KCND2: variants seen among roughly 807,000 people sequenced by gnomAD.
The protein encoded by KCND2 is potassium voltage-gated channel subfamily D member 2.
In KCND2, 16 loss-of-function variants were observed where a neutral mutation model predicts 54.4. The ratio of observed to expected loss-of-function variants is 0.29; its 90% CI spans 0.20 to 0.45. KCND2 has a LOEUF of 0.45. Among genes scored for constraint, KCND2 ranks in the 20% least tolerant of loss-of-function variants. The pLI is 1.00. For missense variants in KCND2, 486 were observed against 824.2 expected (o/e 0.59, Z 5.02); for synonymous variants, 317 against 310.7 (o/e 1.02, Z -0.21).
chr7:120,697,516 T>A (rs1379184376), intron 1 of KCND2, among the ~76,000 whole-genome samples: 2 of 152,214 alleles, frequency 1.3e-5, no homozygotes, highest in African/African-American at 2.4e-5. Flanking sequence ...TTACAGAGTA[T>A]AATTTTTTTG....
chr7:120,551,569 T>C (rs868237597), intron 1 of KCND2, among the ~76,000 whole-genome samples: 13 of 152,292 alleles, frequency 8.5e-5, no homozygotes, highest in African/African-American at 2.9e-4. Flanking sequence ...GAGAAAGATA[T>C]ACTATTGCAT....
At chr7:120,489,814 G>A (rs1445834919) in intron 1 of KCND2, among the ~76,000 whole-genome samples, 1 of 152,110 alleles carries the variant, frequency 6.6e-6, no homozygotes, top group South Asian at 2.1e-4. Flanking sequence ...TTGGAAACTT[G>A]AAGAAATTAG....
At chr7:120,626,805 A>T (rs189973379) in intron 1 of KCND2, among the ~76,000 whole-genome samples, 1 of 152,310 alleles carries the variant, frequency 6.6e-6, no homozygotes, top group East Asian at 1.9e-4. Flanking sequence ...TATACCATTC[A>T]TAATGTTCTT....
At chr7:120,738,538 A>C (rs1792901901) in intron 2 of KCND2, among the ~76,000 whole-genome samples, 1 of 152,040 alleles carries the variant, frequency 6.6e-6, no homozygotes, top group Non-Finnish European at 1.5e-5. Context: ...TTTACACTGA[A>C]AATGTAAACC....
intron 1 of KCND2, among the ~76,000 whole-genome samples, chr7:120,462,177 C>T (rs1188823909): frequency 6.6e-6 from 1 of 151,026 alleles, no homozygotes; most frequent in African/African-American, 2.4e-5. Flanking sequence ...AGTGATTGTC[C>T]CATAAAATCC....
intron 1 of KCND2, among the ~76,000 whole-genome samples, chr7:120,356,939 A>G (rs1800514695): frequency 3.3e-5 from 5 of 152,114 alleles, no homozygotes; most frequent in African/African-American, 9.7e-5. Context: ...GACCATGTGC[A>G]TAGGTATTAT....
intron 1 of KCND2, among the ~76,000 whole-genome samples, chr7:120,565,553 A>G (rs1056189746): frequency 6.6e-6 from 1 of 152,204 alleles, no homozygotes; most frequent in Non-Finnish European, 1.5e-5. Context: ...ATTAGGATCC[A>G]TTAAGTGCTA....
rs181101643 is a variant in KCND2, at chr7:120,666,333, A to G, written c.1116-66570A>G. Among the ~76,000 whole-genome samples, 26 of 152,184 alleles carry G rather than the reference A, an allele frequency of 1.7e-4. No individual in the cohort carries two copies. The East Asian group carries it at 2.9e-3, about 17-fold the overall frequency. On this transcript the variant is annotated intron_variant, in intron 1 of 5. Transcript: ENST00000331113. ...AAATACCAAATCCCTTCCACAAAGG[A>G]AAGATAAATGTGATTGGCCAGTTTT...
chr7:120,274,731 G>A lies in KCND2; in HGVS notation c.99G>A (p.Gln33=). 6.2e-7 allele frequency: 1 copy of A among 1,614,006 alleles called. No homozygotes were observed. The highest frequency in any genetic ancestry group is 8.5e-7 in the Non-Finnish European group (1 of 1,179,968). The part of the protein sequence containing the change: ...ASGPMPAPPR[Q]ERKRTQDALI... ...GGCCTATGCCGGCTCCCCCGAGGCA[G>A]GAGAGGAAAAGGACCCAAGATGCTC... Residue 33 remains glutamine (Q), a synonymous_variant, in exon 1 of 6, where the codon CAG becomes CAA. Transcript: ENST00000331113.
At chr7:120,483,824 A>G (rs1802649514) in intron 1 of KCND2, among the ~76,000 whole-genome samples, 1 of 152,204 alleles carries the variant, frequency 6.6e-6, no homozygotes, top group Non-Finnish European at 1.5e-5. Flanking sequence ...AAGATGAAGA[A>G]TTAGACATGT....
At chr7:120,680,768 T>C (rs1446108229) in intron 1 of KCND2, among the ~76,000 whole-genome samples, 3 of 152,104 alleles carry the variant, frequency 2.0e-5, no homozygotes, top group African/African-American at 4.8e-5. Flanking sequence ...AAAAATCCCT[T>C]CATTTTAGAG....
chr7:120,629,315 G>A (rs1793200081), intron 1 of KCND2, among the ~76,000 whole-genome samples: 1 of 152,088 alleles, frequency 6.6e-6, no homozygotes, highest in Non-Finnish European at 1.5e-5. Context: ...GTGAAACCCC[G>A]TCTCTACTAA....
At chr7:120,421,438 G>A (rs941999956) in intron 1 of KCND2, among the ~76,000 whole-genome samples, 5 of 152,182 alleles carry the variant, frequency 3.3e-5, no homozygotes, top group Admixed American at 6.5e-5. Context: ...AACACTCTCT[G>A]AAACTCAGGT....
chr7:120,421,212 C>T (rs1278521230), intron 1 of KCND2, among the ~76,000 whole-genome samples: 1 of 152,198 alleles, frequency 6.6e-6, no homozygotes, highest in Non-Finnish European at 1.5e-5. Flanking sequence ...CTATCAATAA[C>T]AGCAACAATG....
chr7:120,627,006 A>G (rs1022303680), intron 1 of KCND2, among the ~76,000 whole-genome samples: 3 of 152,176 alleles, frequency 2.0e-5, no homozygotes, highest in Non-Finnish European at 4.4e-5. Context: ...ATTTTTATCT[A>G]CAGTTGGTTA....
chr7:120,481,096 G>A (rs760131196), intron 1 of KCND2, among the ~76,000 whole-genome samples: 1 of 152,224 alleles, frequency 6.6e-6, no homozygotes, highest in Admixed American at 6.5e-5. Flanking sequence ...TGCTGGTAAA[G>A]GCCAGTCTGA....
chr7:120,426,293 C>A (rs1470486077), intron 1 of KCND2, among the ~76,000 whole-genome samples: 1 of 152,122 alleles, frequency 6.6e-6, no homozygotes, highest in African/African-American at 2.4e-5. Context: ...GTATAACATT[C>A]TCTTATGTCT....
At chr7:120,301,773 A>C (rs921835356) in intron 1 of KCND2, among the ~76,000 whole-genome samples, 3 of 152,146 alleles carry the variant, frequency 2.0e-5, no homozygotes, top group Non-Finnish European at 1.5e-5. Context: ...TTCAAACAGA[A>C]AATATAAGTT....
Position 120,533,456 on chromosome 7 carries a change from T to A in KCND2, c.1116-199447T>A, listed in dbSNP as rs566236373. 5.3e-5 allele frequency among the ~76,000 whole-genome samples: 8 copies of A among 152,248 alleles called. No individual in the cohort carries two copies. The East Asian group carries it at 1.3e-3, about 26-fold the overall frequency. On this transcript the variant is annotated intron_variant, in intron 1 of 5. Coordinates refer to ENST00000331113, the MANE Select transcript of KCND2 (RefSeq NM_012281.3). Reference sequence around the variant, plus strand: ...TAAGGATTTCTAACATTTAAAAAAATTTCATATGTGCCCTGTTTTTATGGT... The same window carrying A: ...TAAGGATTTCTAACATTTAAAAAAAATTCATATGTGCCCTGTTTTTATGGT...
Sources: allele counts gnomAD v4.1 joint callset (sites outside exome capture counted in the v4.1 genomes callset), GRCh38; gene constraint gnomAD v4.1.1; transcripts MANE v1.5; gene names NCBI Gene and HGNC (gene_info 2026-07-23, HGNC 2026-07-21).